The following PTPN14 variants were observed in gnomAD, a reference collection of about 807,000 sequenced individuals.
PTPN14 encodes the protein tyrosine-protein phosphatase non-receptor type 14.
Under a neutral mutation model 126.8 loss-of-function variants are expected in PTPN14, and 53 were observed. That is an observed-to-expected ratio of 0.42 (90% CI 0.34 to 0.53). The LOEUF is 0.53. PTPN14 is among the 20% of genes least tolerant of loss of function. PTPN14 has a pLI of 0.08. For missense variants in PTPN14, 1,257 were observed against 1,552.9 expected (o/e 0.81, Z 3.20); for synonymous variants, 630 against 599.3 (o/e 1.05, Z -0.75).
rs761672351 is a variant in PTPN14, at chr1:214,383,263, G to T, written c.2544+48C>A. 8 of 1,575,828 alleles carry T rather than the reference G, an allele frequency of 5.1e-6. No individual in the cohort carries two copies. In the Admixed American group the frequency reaches 1.0e-4, roughly 20 times the overall value. On this transcript the variant is annotated intron_variant, in intron 13 of 18. Transcript: ENST00000366956. The surrounding 1 kb of genome is among the most constrained non-coding windows in gnomAD (Gnocchi z 4.4). ...CCCTGCCCCTTGCTCAGTGCCTGAA[G>T]CATGTGCTTTCACACTGGAAAATGC...
intron 1 of PTPN14, among the ~76,000 whole-genome samples, 197 bp downstream of exon 1, chr1:214,550,986 C>T (rs1656094628): frequency 6.6e-6 from 1 of 152,158 alleles, no homozygotes; most frequent in Admixed American, 6.5e-5. Context: ...CTTTGCGCCT[C>T]ACCGCGGGCA....
At chr1:214,451,142 T>G (rs1037699801) in intron 3 of PTPN14, among the ~76,000 whole-genome samples, 14 of 130,616 alleles carry the variant, frequency 1.1e-4, no homozygotes, top group African/African-American at 4.0e-4. Flanking sequence ...AGAATTAGGT[T>G]TTTGTTTTTG....
chr1:214,443,735 C>G (rs1445299928), intron 3 of PTPN14, among the ~76,000 whole-genome samples: 1 of 152,090 alleles, frequency 6.6e-6, no homozygotes, highest in Non-Finnish European at 1.5e-5. Context: ...GAGCACTAAA[C>G]CAACTACAGG....
rs146831832 is a variant in PTPN14, at chr1:214,465,109, G to C, written c.-154-152C>G. Among the ~76,000 whole-genome samples, 277 of 150,534 alleles carry C rather than the reference G, an allele frequency of 1.8e-3. 3 individuals are homozygous for C. Among genetic ancestry groups the C allele is most frequent in the Admixed American group, 2.3e-3 (34 of 14,806 alleles). Reference sequence around the variant, plus strand: ...AAGCTGCAAGTTCTGGAGTTCCTAAGTGTCTTGGCAGAGCCCATGCCCTAT... The same window carrying C: ...AAGCTGCAAGTTCTGGAGTTCCTAACTGTCTTGGCAGAGCCCATGCCCTAT... On this transcript the variant is annotated intron_variant, in intron 1 of 18. Transcript: ENST00000366956.
chr1:214,490,208 T>A (rs1003305388), intron 1 of PTPN14, among the ~76,000 whole-genome samples: 1 of 152,160 alleles, frequency 6.6e-6, no homozygotes, highest in South Asian at 2.1e-4. Flanking sequence ...TATTTAAGGA[T>A]CCTTTAGGTT....
At chr1:214,359,333 C>T (rs1033311237) in intron 18 of PTPN14, among the ~76,000 whole-genome samples, 7 of 151,450 alleles carry the variant, frequency 4.6e-5, no homozygotes, top group African/African-American at 1.7e-4. Context: ...CCTGCCTCAG[C>T]CTCCTGAGTA....
intron 3 of PTPN14, among the ~76,000 whole-genome samples, chr1:214,440,247 T>C (rs553990625): frequency 1.3e-5 from 2 of 152,366 alleles, no homozygotes; most frequent in African/African-American, 4.8e-5. Flanking sequence ...AACTGGTCTC[T>C]GTGATTTATT....
chr1:214,376,347 T>A lies in PTPN14; in HGVS notation c.2779A>T (p.Thr927Ser), dbSNP rs774735470. The change falls in exon 15 of 19, where the codon ACA (threonine) becomes TCA (serine). Residue 927 changes from threonine to serine, a missense_variant. By Grantham distance (58) the Thr-to-Ser change is moderately conservative. Around this residue, in one of 3 missense-constraint regions of PTPN14, gnomAD observed 65 missense variants for 139.7 expected, o/e 0.47. Transcript: ENST00000366956. ...TCGGCGTTTTCTGGCAGAGCTGCTGTGCTGAAAATGCCATTCGCCTTTTTC... is the reference window on the plus strand; with the variant it reads ...TCGGCGTTTTCTGGCAGAGCTGCTGAGCTGAAAATGCCATTCGCCTTTTTC... Reference protein sequence around the residue: ...PKKKANGIFSTAALPENAERS... With the variant: ...PKKKANGIFSSAALPENAERS... 9 of 1,614,020 alleles carry A rather than the reference T, an allele frequency of 5.6e-6. No homozygotes were observed. Among genetic ancestry groups the A allele is most frequent in the Non-Finnish European group, 7.6e-6 (9 of 1,179,958 alleles).
At chr1:214,489,777 A>G (rs1013035503) in intron 1 of PTPN14, among the ~76,000 whole-genome samples, 2 of 152,218 alleles carry the variant, frequency 1.3e-5, no homozygotes, top group Non-Finnish European at 2.9e-5. Context: ...TGCATGAGAA[A>G]GAGAACTGAA....
chr1:214,496,424 C>A (rs1654515369), intron 1 of PTPN14, among the ~76,000 whole-genome samples: 1 of 152,166 alleles, frequency 6.6e-6, no homozygotes, highest in Non-Finnish European at 1.5e-5. Context: ...TGCACACTGA[C>A]CTCACTCATG....
intron 18 of PTPN14, among the ~76,000 whole-genome samples, chr1:214,362,911 G>C (rs916232730): frequency 6.6e-6 from 1 of 152,148 alleles, no homozygotes; most frequent in Admixed American, 6.5e-5. Context: ...AGGAAAGGAC[G>C]ATTAGGTGGG....
chr1:214,366,467 G>A (rs540136676), intron 17 of PTPN14, among the ~76,000 whole-genome samples: 9 of 152,242 alleles, frequency 5.9e-5, no homozygotes, highest in African/African-American at 2.2e-4. Flanking sequence ...GAGAGAAGGT[G>A]GATTCAAAGG....
intron 1 of PTPN14, among the ~76,000 whole-genome samples, chr1:214,519,626 T>TA (rs1204829651): frequency 1.3e-5 from 2 of 152,234 alleles, no homozygotes; most frequent in Non-Finnish European, 2.9e-5. Context: ...TGCTAGGTGA[T>TA]AGAGATAATC....
chr1:214,425,831 G>A (rs1193840930), intron 3 of PTPN14, among the ~76,000 whole-genome samples: 24 of 152,172 alleles, frequency 1.6e-4, no homozygotes, highest in Non-Finnish European at 2.9e-5. Flanking sequence ...GAATTGTCAT[G>A]TATAATATTT....
At chr1:214,532,736 G>C in intron 1 of PTPN14, 2 of 787,750 alleles carry the variant, frequency 2.5e-6, no homozygotes, top group Non-Finnish European at 4.5e-6. Flanking sequence ...TACGGGCTCT[G>C]CAAGGTCACT....
At chr1:214,542,685 A>G (rs1339073378) in intron 1 of PTPN14, among the ~76,000 whole-genome samples, 1 of 152,158 alleles carries the variant, frequency 6.6e-6, no homozygotes, top group Non-Finnish European at 1.5e-5. Flanking sequence ...TTTGATAGGC[A>G]ATGATGAGTG....
intron 2 of PTPN14, among the ~76,000 whole-genome samples, chr1:214,454,621 T>G (rs984108255): frequency 1.3e-5 from 2 of 152,058 alleles, no homozygotes; most frequent in East Asian, 1.9e-4. Context: ...TTGAGGAGGA[T>G]GATGAGGTAC....
intron 11 of PTPN14, among the ~76,000 whole-genome samples, chr1:214,387,132 G>GTCC (rs1658638483): frequency 6.6e-6 from 1 of 152,254 alleles, no homozygotes; most frequent in African/African-American, 2.4e-5. Context: ...CAGTAAGGGA[G>GTCC]AAATGAAGTT....
intron 18 of PTPN14, among the ~76,000 whole-genome samples, chr1:214,359,514 C>T (rs747506182): frequency 3.3e-5 from 5 of 151,798 alleles, no homozygotes; most frequent in Non-Finnish European, 7.4e-5. Flanking sequence ...TGAGCCACTG[C>T]GCCTGGCCGA....
Sources: gnomAD v4.1 joint callset for allele counts (sites outside exome capture counted in the v4.1 genomes callset) on GRCh38, gnomAD v4.1.1 for gene constraint, gnomAD v4.1.1 regional missense constraint, Gnocchi (gnomAD v3.1) non-coding constraint, MANE v1.5 for transcripts, NCBI Gene and HGNC (gene_info 2026-07-23, HGNC 2026-07-21) for gene names.